Variants in GNE observed in about 807,000 individuals in gnomAD.
The protein encoded by GNE is glucosamine (UDP-N-acetyl)-2-epimerase/N-acetylmannosamine kinase.
Under a neutral mutation model 61.8 loss-of-function variants are expected in GNE, and 41 were observed. That is an observed-to-expected ratio of 0.66 (90% CI 0.52 to 0.86). GNE has a LOEUF of 0.86. GNE is among the 40% of genes least tolerant of loss of function. The pLI, the probability that GNE is intolerant of heterozygous loss-of-function variation, is 0.00. For synonymous variants in GNE, 264 were observed against 326.4 expected, an observed-to-expected ratio of 0.81 and a Z score of 2.06; for missense variants, 608 against 909.1, an observed-to-expected ratio of 0.67 and a Z score of 4.26.
At chr9:36,267,295 C>G (rs761254377) in intron 1 of GNE, among the ~76,000 whole-genome samples, 1 of 152,218 alleles carries the variant, frequency 6.6e-6, no homozygotes, top group Non-Finnish European at 1.5e-5. Flanking sequence ...TTTAGAGCAC[C>G]TGTGGTGGTG....
At chr9:36,276,970 G>T (rs1219441892) in exon 1 of GNE, 3 of 1,612,838 alleles carry the variant, frequency 1.9e-6, no homozygotes, top group Non-Finnish European at 2.5e-6. Flanking sequence ...CTGTACCCTA[G>T]TGTGGTTTGA....
intron 1 of GNE, among the ~76,000 whole-genome samples, chr9:36,254,030 C>G: frequency 6.6e-6 from 1 of 151,604 alleles, no homozygotes; most frequent in East Asian, 1.9e-4. Flanking sequence ...GATCGAGACT[C>G]CATTTCAAAA....
At chr9:36,223,334 A>T in intron 8 of GNE, 39 bp downstream of exon 8, 1 of 1,580,282 alleles carries the variant, frequency 6.3e-7, no homozygotes, top group Admixed American at 1.7e-5. Flanking sequence ...TTTGTACATT[A>T]AAATGAGCAT....
chr9:36,244,822 C>G (rs1360281051), intron 3 of GNE, among the ~76,000 whole-genome samples: 1 of 151,212 alleles, frequency 6.6e-6, no homozygotes, highest in Non-Finnish European at 1.5e-5. Context: ...CGCCTGTAAC[C>G]CCAGCTACTC....
chr9:36,254,036 C>CA (rs1563952362), intron 1 of GNE, among the ~76,000 whole-genome samples: 1 of 151,136 alleles, frequency 6.6e-6, no homozygotes. Context: ...GACTCCATTT[C>CA]AAAAAAAGAA....
chr9:36,255,401 G>A (rs963036620), intron 1 of GNE, among the ~76,000 whole-genome samples: 7 of 151,966 alleles, frequency 4.6e-5, no homozygotes, highest in Non-Finnish European at 8.8e-5. Context: ...GTTGAGACGC[G>A]GTTTCAACTA....
chr9:36,242,732 G>GCTTTT lies in GNE; in HGVS notation c.616+3298_616+3299insAAAAG, dbSNP rs375794259. Among the ~76,000 whole-genome samples, 33 of 95,998 alleles carry GCTTTT rather than the reference G, an allele frequency of 3.4e-4. 6 individuals carry two copies. Among genetic ancestry groups the GCTTTT allele is most frequent in the East Asian group, 2.9e-4 (1 of 3,450 alleles). 63.0% of individuals were successfully genotyped at this position (95,998 alleles called of 152,430 possible). A position where few individuals can be genotyped will look rare whatever the true frequency, so the allele number is the denominator to read the frequency against. On this transcript the variant is annotated intron_variant, in intron 3 of 11. Transcript: ENST00000642385. ...CGCATCTGGCCTGGGTTTTATGCTTGTTTTTTTTTTTTTTTTTTTTTTTGA... is the reference window on the plus strand; with the variant it reads ...CGCATCTGGCCTGGGTTTTATGCTTGCTTTTTTTTTTTTTTTTTTTTTTTTTTTGA...
In GNE at chr9:36,217,746, G is replaced by A. The variant is rs537983935; in HGVS notation, c.1934-146C>T. 3.2e-5 allele frequency: 22 copies of A among 688,694 alleles called. No homozygotes were observed. In the Middle Eastern group the frequency reaches 1.1e-3, roughly 35 times the overall value. The allele number at this position is 688,694 out of a possible 1,614,324, so 42.7% of individuals were successfully genotyped here. A position where few individuals can be genotyped will look rare whatever the true frequency, so the allele number is the denominator to read the frequency against. On this transcript the variant is annotated intron_variant, in intron 11 of 11. Transcript: ENST00000642385. Reference sequence around the variant, plus strand: ...AGGCAGTGTTTTAAAAGCAGTTCACGGTTGATTCTTAATATGAGAAAATGA... The same window carrying A: ...AGGCAGTGTTTTAAAAGCAGTTCACAGTTGATTCTTAATATGAGAAAATGA...
chr9:36,241,671 C>T (rs1829633744), intron 3 of GNE, among the ~76,000 whole-genome samples: 3 of 152,070 alleles, frequency 2.0e-5, no homozygotes. Context: ...GTTGTAAAGT[C>T]CTATATTTAC....
chr9:36,254,952 C>CA (rs925335605), intron 1 of GNE, among the ~76,000 whole-genome samples: 125 of 150,832 alleles, frequency 8.3e-4, no homozygotes, highest in African/African-American at 2.8e-3. Flanking sequence ...GATTCCATCT[C>CA]AAAAAAAAAT....
At chr9:36,252,161 A>G (rs1830130390) in intron 1 of GNE, among the ~76,000 whole-genome samples, 1 of 151,674 alleles carries the variant, frequency 6.6e-6, no homozygotes, top group Non-Finnish European at 1.5e-5. Flanking sequence ...AATTTTTTCT[A>G]TTTTTAGTAG....
chr9:36,274,329 C>G (rs1367782855), intron 1 of GNE, among the ~76,000 whole-genome samples: 1 of 152,070 alleles, frequency 6.6e-6, no homozygotes, highest in Non-Finnish European at 1.5e-5. Context: ...CTCCTGGCCT[C>G]AAGCAATCCT....
chr9:36,233,715 A>C, intron 5 of GNE: 1 of 642,108 alleles, frequency 1.6e-6, no homozygotes, highest in Non-Finnish European at 2.8e-6. Flanking sequence ...TATTACAAAG[A>C]CAATAAAATG....
At chr9:36,240,379 GGA>G (rs1300177586) in intron 3 of GNE, among the ~76,000 whole-genome samples, 1 of 152,116 alleles carries the variant, frequency 6.6e-6, no homozygotes, top group Non-Finnish European at 1.5e-5. Context: ...AAGGGATGCT[GGA>G]TTTTGTTTAA....
At chr9:36,258,622 A>G, upstream of GNE, 2 of 602,432 alleles carry the variant, frequency 3.3e-6, no homozygotes, top group South Asian at 1.5e-4. Context: ...GGTGCTGACC[A>G]GCGGACCATC....
chr9:36,246,205 G>A lies in GNE; in HGVS notation c.442C>T (p.His148Tyr). Reference sequence around the variant, plus strand: ...TAATGAGCCAGTTTTGTTATGGCATGTCTGATAGAGTCATCAATGGTCCCA... The same window carrying A: ...TAATGAGCCAGTTTTGTTATGGCATATCTGATAGAGTCATCAATGGTCCCA... ...VSGTIDDSIR[H>Y]AITKLAHYHV... The change falls in exon 3 of 12, where the codon CAT (histidine) becomes TAT (tyrosine). Residue 148 changes from histidine to tyrosine, a missense_variant. Physicochemically the swap from His to Tyr is moderately conservative, Grantham distance 83. Transcript: ENST00000642385. 6.2e-7 allele frequency: 1 copy of A among 1,614,216 alleles called. No individual in the cohort carries two copies. The highest frequency in any genetic ancestry group is 8.5e-7 in the Non-Finnish European group (1 of 1,180,024).
chr9:36,224,784 C>T (rs1462047387), intron 7 of GNE, among the ~76,000 whole-genome samples: 1 of 152,048 alleles, frequency 6.6e-6, no homozygotes, highest in African/African-American at 2.4e-5. Context: ...GCTGGAGAAT[C>T]GCTTGAACCC....
chr9:36,247,298 G>A (rs369242808), intron 2 of GNE, among the ~76,000 whole-genome samples: 1,694 of 151,816 alleles, frequency 0.011, 33 homozygotes, highest in African/African-American at 0.037. Flanking sequence ...CTCGTGATCC[G>A]CCCGCCTCGT....
intron 1 of GNE, among the ~76,000 whole-genome samples, chr9:36,266,776 G>C (rs1355430342): frequency 3.9e-5 from 6 of 152,230 alleles, no homozygotes; most frequent in Non-Finnish European, 8.8e-5. Context: ...GGGCGTGGTG[G>C]CGGGCGCCTG....
Sources: gnomAD v4.1 joint callset for allele counts (sites outside exome capture counted in the v4.1 genomes callset) on GRCh38, gnomAD v4.1.1 for gene constraint, MANE v1.5 for transcripts, NCBI Gene and HGNC (gene_info 2026-07-23, HGNC 2026-07-21) for gene names.